The following SAP130 variants were observed in gnomAD, a reference collection of about 807,000 sequenced individuals.
SAP130 encodes Sin3A associated protein 130.
SAP130 carries 16 observed loss-of-function variants against 103.2 expected under a neutral mutation model. The ratio of observed to expected loss-of-function variants is 0.16; its 90% CI spans 0.10 to 0.24. SAP130 has a LOEUF of 0.24. SAP130 is among the 10% of genes least tolerant of loss of function. The pLI is 1.00. For missense variants in SAP130, 990 were observed against 1,359.7 expected, an observed-to-expected ratio of 0.73 and a Z score of 4.28; for synonymous variants, 477 against 497.0, an observed-to-expected ratio of 0.96 and a Z score of 0.53.
intron 15 of SAP130, among the ~76,000 whole-genome samples, chr2:127,961,994 T>C (rs895743188): frequency 1.3e-5 from 2 of 152,226 alleles, no homozygotes; most frequent in African/African-American, 4.8e-5. Flanking sequence ...TCTCAGCACG[T>C]TGACACCTCT....
chr2:128,000,190 C>T (rs781682728), intron 8 of SAP130, 44 bp from the exon 9 acceptor site: 3 of 1,610,276 alleles, frequency 1.9e-6, no homozygotes, highest in Non-Finnish European at 2.5e-6. Flanking sequence ...ACATTATCCA[C>T]TGCGTCCAGG....
At chr2:127,973,453 A>T (rs573516121) in intron 15 of SAP130, among the ~76,000 whole-genome samples, 1 of 152,266 alleles carries the variant, frequency 6.6e-6, no homozygotes, top group East Asian at 1.9e-4. Flanking sequence ...GCCGATCTCA[A>T]ACTCCTGACC....
In SAP130 at chr2:128,016,523, T is replaced by C. The variant is rs1684790870; in HGVS notation, c.373A>G (p.Ser125Gly). The change falls in exon 4 of 21, where the codon AGC becomes GGC. Residue 125 changes from serine (S) to glycine (G), a missense_variant. By Grantham distance (56) the Ser-to-Gly change is moderately conservative. Transcript: ENST00000643581. ...MKPPPKPTMPSRPIAPAPPST... is the reference protein window; with the variant it reads ...MKPPPKPTMPGRPIAPAPPST... ...GGTGGAGCAGGAGCAATGGGACGGC[T>C]AGGCATGGTGGGCTTCGGGGGCGGC... 3 of 1,613,368 alleles carry C rather than the reference T, an allele frequency of 1.9e-6. No individual in the cohort carries two copies. The highest frequency in any genetic ancestry group is 1.3e-5 in the African/African-American group (1 of 74,852).
intron 4 of SAP130, among the ~76,000 whole-genome samples, chr2:128,015,872 T>C (rs1296104131): frequency 4.1e-5 from 6 of 147,564 alleles, no homozygotes; most frequent in African/African-American, 1.5e-4. Flanking sequence ...ACACGGGACG[T>C]GGACGTTGCT....
chr2:127,952,270 G>A (rs1206337417), intron 16 of SAP130, among the ~76,000 whole-genome samples: 1 of 151,952 alleles, frequency 6.6e-6, no homozygotes, highest in Non-Finnish European at 1.5e-5. Context: ...GGCCAACATG[G>A]TGAAACCCCA....
intron 1 of SAP130, among the ~76,000 whole-genome samples, chr2:128,026,859 G>A (rs1050714680): frequency 2.6e-5 from 4 of 152,212 alleles, no homozygotes; most frequent in Non-Finnish European, 5.9e-5. Context: ...CCCTCACAGA[G>A]CCAGAGGACC....
At chr2:127,951,593 G>T (rs1460047492) in intron 16 of SAP130, among the ~76,000 whole-genome samples, 2 of 152,076 alleles carry the variant, frequency 1.3e-5, no homozygotes, top group Non-Finnish European at 2.9e-5. Context: ...CCCATCGCTA[G>T]GTCTGAACCC....
intron 15 of SAP130, among the ~76,000 whole-genome samples, chr2:127,966,128 G>A (rs1356492631): frequency 1.3e-5 from 2 of 150,406 alleles, no homozygotes; most frequent in Non-Finnish European, 3.0e-5. Flanking sequence ...GGATCACAAG[G>A]TCAGGAGTTC....
chr2:127,969,498 C>G (rs1680913107), intron 15 of SAP130, among the ~76,000 whole-genome samples: 1 of 152,316 alleles, frequency 6.6e-6, no homozygotes, highest in East Asian at 1.9e-4. Flanking sequence ...GCAATGCAAT[C>G]TGGAAACAGG....
intron 15 of SAP130, among the ~76,000 whole-genome samples, chr2:127,958,635 TGAGA>T (rs372337440): frequency 0.054 from 6,950 of 127,534 alleles, 363 homozygotes; most frequent in African/African-American, 0.13. Flanking sequence ...GTGAGACAGA[TGAGA>T]GAGAGAGAGA....
intron 15 of SAP130, among the ~76,000 whole-genome samples, chr2:127,957,073 GA>G (rs1291761935): frequency 7.9e-5 from 12 of 152,300 alleles, no homozygotes; most frequent in Admixed American, 6.5e-5. Context: ...AGCTGAGGCG[GA>G]AGAATCATCT....
chr2:128,019,872 T>G (rs1243988545), intron 2 of SAP130, among the ~76,000 whole-genome samples: 1 of 151,336 alleles, frequency 6.6e-6, no homozygotes, highest in African/African-American at 2.4e-5. Flanking sequence ...AGAGCAAAAC[T>G]CTGTGTCAAA....
Position 127,961,300 on chromosome 2 carries a change from A to G in SAP130, c.2064-5956T>C, listed in dbSNP as rs969802511. Among the ~76,000 whole-genome samples, 6 of 122,790 alleles carry G rather than the reference A, an allele frequency of 4.9e-5. No individual in the cohort carries two copies. In the Admixed American group the frequency reaches 6.0e-4, roughly 12 times the overall value. 80.6% of individuals were successfully genotyped at this position (122,790 alleles called of 152,430 possible). Reference sequence around the variant, plus strand: ...ACTACAGGGGTGTACCACCATGCCCAGCTAATTTTTTTTTTTTTTTTAATT... The same window carrying G: ...ACTACAGGGGTGTACCACCATGCCCGGCTAATTTTTTTTTTTTTTTTAATT... On this transcript the variant is annotated intron_variant, in intron 15 of 20. Coordinates refer to ENST00000643581, the MANE Select transcript of SAP130 (RefSeq NM_001330301.2).
At chr2:128,027,389 G>T in intron 1 of SAP130, 3 of 1,137,726 alleles carry the variant, frequency 2.6e-6, no homozygotes, top group South Asian at 4.5e-5. Flanking sequence ...CGACCTGCAC[G>T]TTCAGAGCCC....
intron 6 of SAP130, among the ~76,000 whole-genome samples, chr2:128,012,156 G>A (rs1214717782): frequency 1.3e-5 from 2 of 152,156 alleles, no homozygotes; most frequent in East Asian, 3.9e-4. Flanking sequence ...GATACACAGA[G>A]CCATTGTGTT....
rs753890583 is a variant in SAP130 at position 128,010,398 on chromosome 2, C to A, written c.745-5G>T. On this transcript the variant is annotated splice_polypyrimidine_tract_variant and splice_region_variant and intron_variant, in intron 6 of 20. Coordinates refer to ENST00000643581, the MANE Select transcript of SAP130 (RefSeq NM_001330301.2). ...GGTGGTCACAGGTGGCCGAGACTAC[C>A]AAAAGAGAAAAAACAGTTCATTTAA... The A allele has an allele frequency of 3.9e-5, 63 of 1,601,752 alleles. No homozygotes were observed. The South Asian group carries it at 5.5e-4, about 14-fold the overall frequency.
rs145991041 is a variant in SAP130, at chr2:127,985,842, G to A, written c.1958+943C>T. Among the ~76,000 whole-genome samples the A allele has an allele frequency of 8.2e-4, 125 of 151,736 alleles. No homozygotes were observed. In the East Asian group the frequency reaches 9.1e-3, roughly 11 times the overall value. On this transcript the variant is annotated intron_variant, in intron 14 of 20. Coordinates refer to ENST00000643581, the MANE Select transcript of SAP130 (RefSeq NM_001330301.2). ...CAGACAGGCACACAAGTGGCTGGAC[G>A]TCAAGAGGAACGCATTGGCAAAAGA... is the stretch of plus-strand genomic sequence containing the variant.
At chr2:127,960,576 C>A (rs1680171752) in intron 15 of SAP130, among the ~76,000 whole-genome samples, 1 of 152,124 alleles carries the variant, frequency 6.6e-6, no homozygotes, top group Admixed American at 6.5e-5. Context: ...ATATTGACAG[C>A]TATTGGATTT....
intron 2 of SAP130, among the ~76,000 whole-genome samples, chr2:128,023,725 C>T (rs1209613325): frequency 2.0e-5 from 3 of 151,990 alleles, no homozygotes; most frequent in Admixed American, 6.6e-5. Context: ...TGCAGTGAGC[C>T]GAGATCATGC....
Sources: allele counts gnomAD v4.1 joint callset (sites outside exome capture counted in the v4.1 genomes callset), GRCh38; gene constraint gnomAD v4.1.1; transcripts MANE v1.5; gene names NCBI Gene and HGNC (gene_info 2026-07-23, HGNC 2026-07-21).